The following STOM variants were observed in gnomAD, a reference collection of about 807,000 sequenced individuals.
STOM encodes the protein stomatin.
Under a neutral mutation model 30.6 loss-of-function variants are expected in STOM, and 25 were observed. The observed-to-expected ratio is 0.82, with a 90% CI of 0.60 to 1.14. The LOEUF (loss-of-function observed/expected upper bound fraction) is 1.14, where lower values mean the gene tolerates loss of function less well. STOM is among the 50% of genes most tolerant of loss of function. The pLI is 0.00. For synonymous variants in STOM, 118 were observed against 130.8 expected, an observed-to-expected ratio of 0.90 and a Z score of 0.67; for missense variants, 292 against 365.2, an observed-to-expected ratio of 0.80 and a Z score of 1.63.
At chr9:121,348,922 C>T (rs951760430) in intron 5 of STOM, among the ~76,000 whole-genome samples, 198 bp downstream of exon 5, 15 of 152,074 alleles carry the variant, frequency 9.9e-5, no homozygotes, top group African/African-American at 2.9e-4. Flanking sequence ...AAAAAATGTA[C>T]GCATGAGTGT....
chr9:121,346,532 A>G (rs868453916), intron 6 of STOM, among the ~76,000 whole-genome samples: 54 of 152,340 alleles, frequency 3.5e-4, no homozygotes, highest in African/African-American at 1.2e-3. Flanking sequence ...ACATTCTACT[A>G]TTCAATCTGG....
chr9:121,346,181 G>A (rs906850242), intron 6 of STOM, among the ~76,000 whole-genome samples: 10 of 152,038 alleles, frequency 6.6e-5, no homozygotes. Flanking sequence ...GTAAGGACGG[G>A]GTTTCACCAT....
At chr9:121,361,419 C>T (rs1431160616) in intron 1 of STOM, among the ~76,000 whole-genome samples, 4 of 117,516 alleles carry the variant, frequency 3.4e-5, no homozygotes, top group South Asian at 6.2e-4. Context: ...GATGTAATCT[C>T]ACTCTGTCGC....
chr9:121,341,281 T>C lies in STOM; in HGVS notation c.788A>G (p.Lys263Arg), dbSNP rs776400564. Residue 263 changes from lysine (K) to arginine (R), a missense_variant, in exon 7 of 7, where the codon AAA (lysine) becomes AGA (arginine). Coordinates refer to ENST00000286713, the MANE Select transcript of STOM (RefSeq NM_004099.6). ...CAGAGGGAAGACAATTGTTGAGTTTTTCTCAGCAGCAATGGTGGTCAGTGT... is the reference window on the plus strand; with the variant it reads ...CAGAGGGAAGACAATTGTTGAGTTTCTCTCAGCAGCAATGGTGGTCAGTGT... ...LQTLTTIAAEKNSTIVFPLPI... is the reference protein window; with the variant it reads ...LQTLTTIAAERNSTIVFPLPI... 1.1e-5 allele frequency: 18 copies of C among 1,614,204 alleles called. No homozygotes were observed. The highest frequency in any genetic ancestry group is 1.5e-5 in the Non-Finnish European group (18 of 1,180,032).
chr9:121,354,402 C>G (rs1413276887), intron 3 of STOM, among the ~76,000 whole-genome samples, 199 bp downstream of exon 3: 1 of 151,492 alleles, frequency 6.6e-6, no homozygotes, highest in Non-Finnish European at 1.5e-5. Flanking sequence ...CGTCTGTAAT[C>G]CTAGTGCTTT....
intron 3 of STOM, 101 bp downstream of exon 3, chr9:121,354,500 A>G: frequency 1.1e-6 from 1 of 905,178 alleles, no homozygotes; most frequent in Non-Finnish European, 1.7e-6. Flanking sequence ...AGCCTGGGCG[A>G]CGGAATGAAA....
chr9:121,353,333 AC>A, intron 3 of STOM, 31 bp from the exon 4 acceptor site: 1 of 1,451,406 alleles, frequency 6.9e-7, no homozygotes. Flanking sequence ...TTATACAGAC[AC>A]CAGCAACCTA....
chr9:121,365,479 T>G (rs1159587351), intron 1 of STOM, among the ~76,000 whole-genome samples: 1 of 70,770 alleles, frequency 1.4e-5, no homozygotes, highest in Non-Finnish European at 4.2e-5. Flanking sequence ...CTTTTTAGGT[T>G]TTTTTTTTTT....
intron 1 of STOM, among the ~76,000 whole-genome samples, chr9:121,361,667 C>T (rs939923209): frequency 1.1e-4 from 17 of 152,144 alleles, no homozygotes; most frequent in African/African-American, 3.6e-4. Flanking sequence ...GGATTACAGG[C>T]GTGAGCCAAT....
At chr9:121,358,397 G>A (rs374998034) in intron 1 of STOM, among the ~76,000 whole-genome samples, 7 of 152,154 alleles carry the variant, frequency 4.6e-5, no homozygotes, top group East Asian at 3.9e-4. Flanking sequence ...CTGGGGGTTC[G>A]TGGCTGCAGT....
rs1170385047 is a variant in STOM at position 121,339,509 on chromosome 9, A to G, written c.*1693T>C. 2 of 1,222,990 alleles carry G rather than the reference A, an allele frequency of 1.6e-6. No individual in the cohort carries two copies. The highest frequency in any genetic ancestry group is 1.6e-5 in the African/African-American group (1 of 64,190). The allele number at this position is 1,222,990 out of a possible 1,614,324, so 75.8% of individuals were successfully genotyped here. ...CCTAAAATAAGCTTGAAATTGGGGTACAGGGGAAGGGACATCCATTGGCTG... is the reference window on the plus strand; with the variant it reads ...CCTAAAATAAGCTTGAAATTGGGGTGCAGGGGAAGGGACATCCATTGGCTG... On this transcript the variant is annotated 3_prime_UTR_variant, in exon 7 of 7. Transcript: ENST00000286713.
Position 121,340,228 on chromosome 9 carries a change from A to C in STOM, c.*974T>G. On this transcript the variant is annotated 3_prime_UTR_variant, in exon 7 of 7. Coordinates refer to ENST00000286713, the MANE Select transcript of STOM (RefSeq NM_004099.6). ...AATCATTTACTCATAAAGAAGGCTCAAATAAGTTAAAACATGGATGTATTT... is the reference window on the plus strand; with the variant it reads ...AATCATTTACTCATAAAGAAGGCTCCAATAAGTTAAAACATGGATGTATTT... 2 of 985,468 alleles carry C rather than the reference A, an allele frequency of 2.0e-6. No individual in the cohort carries two copies. Among genetic ancestry groups the C allele is most frequent in the Non-Finnish European group, 1.2e-6 (1 of 829,914 alleles). The allele number at this position is 985,468 out of a possible 1,614,324, so 61.0% of individuals were successfully genotyped here.
chr9:121,340,265 A>C lies in STOM; in HGVS notation c.*937T>G, dbSNP rs1320997945. On this transcript the variant is annotated 3_prime_UTR_variant, in exon 7 of 7. Coordinates refer to ENST00000286713, the MANE Select transcript of STOM (RefSeq NM_004099.6). ...ACATGGATGTATTTTTAAAATGACCACTCTAGTAGTGAATTTAAAAGTCTT... is the reference window on the plus strand; with the variant it reads ...ACATGGATGTATTTTTAAAATGACCCCTCTAGTAGTGAATTTAAAAGTCTT... 2 of 985,246 alleles carry C rather than the reference A, an allele frequency of 2.0e-6. No individual in the cohort carries two copies. The highest frequency in any genetic ancestry group is 3.5e-5 in the African/African-American group (2 of 57,238). 61.0% of individuals were successfully genotyped at this position (985,246 alleles called of 1,614,324 possible).
Position 121,340,358 on chromosome 9 carries a change from G to C in STOM, c.*844C>G. On this transcript the variant is annotated 3_prime_UTR_variant, in exon 7 of 7. Transcript: ENST00000286713. The stretch of plus-strand genomic sequence containing the variant: ...CTCTAGTTCTGACAAGTACAGGCAA[G>C]AAAATGGCTACTCTCAAGTAAGGAT... 1.0e-6 allele frequency: 1 copy of C among 985,376 alleles called. No homozygotes were observed. The allele number at this position is 985,376 out of a possible 1,614,324, so 61.0% of individuals were successfully genotyped here.
At chr9:121,354,000 A>G (rs2064363082) in intron 3 of STOM, among the ~76,000 whole-genome samples, 1 of 152,166 alleles carries the variant, frequency 6.6e-6, no homozygotes, top group African/African-American at 2.4e-5. Flanking sequence ...GATTGTAGCT[A>G]TCTGTTTCCT....
chr9:121,354,119 C>T (rs2064364109), intron 3 of STOM, among the ~76,000 whole-genome samples: 1 of 152,156 alleles, frequency 6.6e-6, no homozygotes, highest in South Asian at 2.1e-4. Context: ...TTGAAGTTTG[C>T]CAAATGAATG....
rs1268940819 is a variant in STOM, at chr9:121,370,225, G to A, written c.-38C>T. 2 of 1,534,444 alleles carry A rather than the reference G, an allele frequency of 1.3e-6. No individual in the cohort carries two copies. Among genetic ancestry groups the A allele is most frequent in the Admixed American group, 2.0e-5 (1 of 50,510 alleles). On this transcript the variant is annotated 5_prime_UTR_variant, in exon 1 of 7. Coordinates refer to ENST00000286713, the MANE Select transcript of STOM (RefSeq NM_004099.6). ...GCAGTCGCACTCCCCCGTCCTCGTT[G>A]CCAAACCCGGAGCCGCCGGGAATGC...
At chr9:121,357,437 A>ATATTTATT (rs1290562604) in intron 1 of STOM, among the ~76,000 whole-genome samples, 3 of 91,028 alleles carry the variant, frequency 3.3e-5, no homozygotes, top group Admixed American at 1.1e-4. Context: ...ATATATATAT[A>ATATTTATT]TATTTATTTA....
In STOM at chr9:121,348,031, C is replaced by T; in HGVS notation, c.644G>A (p.Arg215His). The change falls in exon 6 of 7, where the codon CGC (arginine) becomes CAC (histidine). Residue 215 changes from arginine (R) to histidine (H), a missense_variant. Coordinates refer to ENST00000286713, the MANE Select transcript of STOM (RefSeq NM_004099.6). ...AAAAGTTACCTTGGCGCGGGCCTCG[C>T]GGGACGCTTCTGCTTCTGCAGCCAT... Reference protein sequence around the residue: ...RAMAAEAEASREARAKVIAAE... With the variant: ...RAMAAEAEASHEARAKVIAAE... The T allele has an allele frequency of 6.2e-7, 1 of 1,613,980 alleles. No homozygotes were observed. Among genetic ancestry groups the T allele is most frequent in the Non-Finnish European group, 8.5e-7 (1 of 1,179,930 alleles).
Sources: allele counts gnomAD v4.1 joint callset (sites outside exome capture counted in the v4.1 genomes callset), GRCh38; gene constraint gnomAD v4.1.1; transcripts MANE v1.5; gene names NCBI Gene and HGNC (gene_info 2026-07-23, HGNC 2026-07-21).